THNSL1: variants seen among roughly 807,000 people sequenced by gnomAD.
The protein encoded by THNSL1 is threonine synthase-like 1.
Under a neutral mutation model 50.4 loss-of-function variants are expected in THNSL1, and 48 were observed. That is an observed-to-expected ratio of 0.95 (90% CI 0.76 to 1.21). The LOEUF is 1.21. Among genes scored for constraint, THNSL1 ranks in the 50% most tolerant of loss-of-function variants. THNSL1 has a pLI of 0.00. For missense variants in THNSL1, 896 were observed against 871.7 expected, an observed-to-expected ratio of 1.03 and a Z score of -0.35; for synonymous variants, 309 against 306.1, an observed-to-expected ratio of 1.01 and a Z score of -0.10.
rs776972783 is a variant in THNSL1, at chr10:25,023,888, G to C, written c.665G>C (p.Arg222Thr). 1.9e-6 allele frequency: 3 copies of C among 1,614,038 alleles called. No individual in the cohort carries two copies. The African/African-American group carries it at 4.0e-5, about 22-fold the overall frequency. Residue 222 changes from arginine (R) to threonine (T), a missense_variant, in exon 3 of 3, where the codon AGA (arginine) becomes ACA (threonine). Arg to Thr is a moderately conservative substitution (Grantham distance 71). Coordinates refer to ENST00000376356, the MANE Select transcript of THNSL1 (RefSeq NM_024838.5). ...VADKVLNAIKRYQDVDSETFI... is the reference protein window; with the variant it reads ...VADKVLNAIKTYQDVDSETFI... Reference sequence around the variant, plus strand: ...GACAAAGTGCTGAATGCAATTAAAAGATACCAAGATGTGGACTCGGAAACA... The same window carrying C: ...GACAAAGTGCTGAATGCAATTAAAACATACCAAGATGTGGACTCGGAAACA...
chr10:24,989,498 G>C, the THNSL1 span, among the ~76,000 whole-genome samples: 1 of 152,168 alleles, frequency 6.6e-6, no homozygotes, highest in African/African-American at 2.4e-5. Context: ...TGAAACTTAA[G>C]AGCTGCACAC....
chr10:24,990,242 C>T, the THNSL1 span, among the ~76,000 whole-genome samples: 1 of 152,148 alleles, frequency 6.6e-6, no homozygotes, highest in Admixed American at 6.5e-5. Context: ...AAACAGTTCA[C>T]CAAATTGGAA....
the THNSL1 span, chr10:24,984,728 A>C: frequency 1.2e-6 from 2 of 1,601,902 alleles, no homozygotes; most frequent in Non-Finnish European, 1.7e-6. Context: ...TTAAAGATCC[A>C]TTCTTACTTA....
At chr10:24,954,293 T>A in the THNSL1 span, among the ~76,000 whole-genome samples, 1 of 152,102 alleles carries the variant, frequency 6.6e-6, no homozygotes, top group East Asian at 1.9e-4. Flanking sequence ...ATCCTGTACC[T>A]GCTGAGAGAC....
chr10:25,018,210 CTT>C (rs901224788), intron 1 of THNSL1, among the ~76,000 whole-genome samples: 12 of 152,286 alleles, frequency 7.9e-5, no homozygotes, highest in African/African-American at 2.6e-4. Flanking sequence ...TGGAAAAAAA[CTT>C]TTCTTTTTTC....
the THNSL1 span, among the ~76,000 whole-genome samples, chr10:24,985,599 C>T: frequency 5.3e-5 from 8 of 152,266 alleles, no homozygotes; most frequent in South Asian, 1.7e-3. Flanking sequence ...CAGAAATCAA[C>T]AAATTCAAAA....
In THNSL1 at chr10:25,024,317, G is replaced by T; in HGVS notation, c.1094G>T (p.Cys365Phe). The change falls in exon 3 of 3, where the codon TGT becomes TTT. Residue 365 changes from cysteine to phenylalanine, a missense_variant. Transcript: ENST00000376356. Reference sequence around the variant, plus strand: ...CTTATGCCTCATATTTTTGCACACTGTATCCCACCAAGTTGCAATTATATG... The same window carrying T: ...CTTATGCCTCATATTTTTGCACACTTTATCCCACCAAGTTGCAATTATATG... Reference protein sequence around the residue: ...LQLMPHIFAHCIPPSCNYMIL... With the variant: ...LQLMPHIFAHFIPPSCNYMIL... 1.9e-6 allele frequency: 3 copies of T among 1,614,156 alleles called. No individual in the cohort carries two copies. The highest frequency in any genetic ancestry group is 2.5e-6 in the Non-Finnish European group (3 of 1,180,030).
chr10:25,003,310 G>A, the THNSL1 span, among the ~76,000 whole-genome samples: 1 of 152,102 alleles, frequency 6.6e-6, no homozygotes. Context: ...GGGTTCAAAT[G>A]ATTCTCATGC....
chr10:24,956,846 A>T, the THNSL1 span, among the ~76,000 whole-genome samples: 11 of 152,118 alleles, frequency 7.2e-5, no homozygotes, highest in Middle Eastern at 3.2e-3. Context: ...TTCCCACCTG[A>T]GCTCTGCCCC....
chr10:25,018,815 A>C (rs1179124656), intron 1 of THNSL1, among the ~76,000 whole-genome samples: 17 of 152,198 alleles, frequency 1.1e-4, no homozygotes, highest in Non-Finnish European at 2.2e-4. Flanking sequence ...TGGATACTAA[A>C]GTTTTCAATT....
the THNSL1 span, among the ~76,000 whole-genome samples, chr10:24,956,583 T>C: frequency 3.9e-5 from 6 of 152,124 alleles, no homozygotes; most frequent in Admixed American, 6.5e-5. Context: ...TTCCACTACA[T>C]GTATACATTG....
At position 25,023,889 on chromosome 10, in the gene THNSL1, A is replaced by C; in HGVS notation, c.666A>C (p.Arg222Ser). The change falls in exon 3 of 3, where the codon AGA becomes AGC. Residue 222 changes from arginine to serine, a missense_variant. Arg to Ser is a moderately radical substitution (Grantham distance 110). Transcript: ENST00000376356. ...ACAAAGTGCTGAATGCAATTAAAAGATACCAAGATGTGGACTCGGAAACAT... is the reference window on the plus strand; with the variant it reads ...ACAAAGTGCTGAATGCAATTAAAAGCTACCAAGATGTGGACTCGGAAACAT... ...VADKVLNAIK[R>S]YQDVDSETFI... is the part of the protein sequence containing the mutation. 1.2e-6 allele frequency: 2 copies of C among 1,614,198 alleles called. No individual in the cohort carries two copies. The highest frequency in any genetic ancestry group is 1.7e-6 in the Non-Finnish European group (2 of 1,180,018).
rs1850834620 is a variant in THNSL1 at position 25,025,603 on chromosome 10, A to G, written c.*148A>G. 1 of 751,000 alleles carries G rather than the reference A, an allele frequency of 1.3e-6. No homozygotes were observed. The highest frequency in any genetic ancestry group is 2.1e-6 in the Non-Finnish European group (1 of 465,204). 46.5% of individuals were successfully genotyped at this position (751,000 alleles called of 1,614,324 possible). ...CAAAAGTCTGATCTCTAGGGCTGACATGAGAACTCCATGTCACCTCCTCAG... is the reference window on the plus strand; with the variant it reads ...CAAAAGTCTGATCTCTAGGGCTGACGTGAGAACTCCATGTCACCTCCTCAG... On this transcript the variant is annotated 3_prime_UTR_variant, in exon 3 of 3. Coordinates refer to ENST00000376356, the MANE Select transcript of THNSL1 (RefSeq NM_024838.5).
upstream of THNSL1, among the ~76,000 whole-genome samples, chr10:25,012,583 C>G (rs1044946107): frequency 2.6e-5 from 4 of 152,242 alleles, no homozygotes; most frequent in Admixed American, 1.3e-4. Context: ...GGTTTAATGA[C>G]TGCCCTATTA....
chr10:25,010,600 C>G, the THNSL1 span, among the ~76,000 whole-genome samples: 1 of 151,328 alleles, frequency 6.6e-6, no homozygotes, highest in Non-Finnish European at 1.5e-5. Flanking sequence ...CCCCCTACCC[C>G]CACCCCACAA....
chr10:24,952,465 C>T, the THNSL1 span: 1 of 1,510,240 alleles, frequency 6.6e-7, no homozygotes, highest in Non-Finnish European at 9.0e-7. This position sits in a 1 kb window ranked among gnomAD's most constrained non-coding sequence, Gnocchi z 5.1. Flanking sequence ...ATTTAATCTA[C>T]AAGCAGGGTG....
chr10:24,958,905 A>C, the THNSL1 span, among the ~76,000 whole-genome samples: 2 of 152,204 alleles, frequency 1.3e-5, no homozygotes, highest in African/African-American at 4.8e-5. Context: ...GTGTTCCTCC[A>C]GATCTCTGAG....
At chr10:24,984,416 G>A in the THNSL1 span, 1 of 1,572,024 alleles carries the variant, frequency 6.4e-7, no homozygotes, top group African/African-American at 1.4e-5. Context: ...TCTGAGTGCT[G>A]ACTTTATTTT....
At position 25,016,652 on chromosome 10, in the gene THNSL1, G is replaced by A. The variant is rs1850585721; in HGVS notation, c.-256G>A. 6.6e-6 allele frequency: 1 copy of A among 152,528 alleles called. No individual in the cohort carries two copies. Among genetic ancestry groups the A allele is most frequent in the Non-Finnish European group, 1.5e-5 (1 of 68,288 alleles). The allele number at this position is 152,528 out of a possible 1,614,324, so 9.4% of individuals were successfully genotyped here. A position where few individuals can be genotyped will look rare whatever the true frequency, so the allele number is the denominator to read the frequency against. ...GCTGGCCGCCGCAGGCACAGGCGCA[G>A]AGTCCACTGCGCGGGGGCGGGACCG... On this transcript the variant is annotated 5_prime_UTR_variant, in exon 1 of 3. Coordinates refer to ENST00000376356, the MANE Select transcript of THNSL1 (RefSeq NM_024838.5).
Sources: allele counts gnomAD v4.1 joint callset (sites outside exome capture counted in the v4.1 genomes callset), GRCh38; gene constraint gnomAD v4.1.1; non-coding constraint Gnocchi (gnomAD v3.1); transcripts MANE v1.5; gene names NCBI Gene and HGNC (gene_info 2026-07-23, HGNC 2026-07-21).